The following NRG1 variants were observed in gnomAD, a reference collection of about 807,000 sequenced individuals.
NRG1 encodes the protein pro-neuregulin-1, membrane-bound isoform.
A neutral mutation model predicts 63.8 loss-of-function variants in NRG1; 18 were observed. That is an observed-to-expected ratio of 0.28 (90% CI 0.19 to 0.42). NRG1 has a LOEUF of 0.42. NRG1 is among the 10% of genes least tolerant of loss of function. The pLI is 1.00. For missense variants in NRG1, 762 were observed against 814.7 expected (o/e 0.94, Z 0.79); for synonymous variants, 302 against 301.3 (o/e 1.00, Z -0.02).
At chr8:31,832,149 A>C (rs1172901158) in intron 1 of NRG1, among the ~76,000 whole-genome samples, 1 of 152,196 alleles carries the variant, frequency 6.6e-6, no homozygotes, top group Non-Finnish European at 1.5e-5. Context: ...ATGAATATCC[A>C]ACTGTACTTA....
chr8:31,898,291 CTT>C (rs1050189269), intron 1 of NRG1, among the ~76,000 whole-genome samples: 5 of 152,132 alleles, frequency 3.3e-5, no homozygotes, highest in African/African-American at 1.2e-4. Context: ...GAGTTTGACT[CTT>C]TGACAACTAA....
chr8:32,539,852 G>C (rs1832400224), intron 1 of NRG1, among the ~76,000 whole-genome samples: 1 of 152,080 alleles, frequency 6.6e-6, no homozygotes, highest in Non-Finnish European at 1.5e-5. Flanking sequence ...TTTACTATGA[G>C]TCCCAGGCAA....
intron 5 of NRG1, among the ~76,000 whole-genome samples, chr8:32,646,135 T>C (rs1853475933): frequency 6.6e-6 from 1 of 152,186 alleles, no homozygotes; most frequent in South Asian, 2.1e-4. Flanking sequence ...TGGTGCTTCC[T>C]ATTAGCTTGA....
Position 32,453,376 on chromosome 8 carries a change from T to C in NRG1, c.38-142452T>C, listed in dbSNP as rs369135877. 3.6e-4 allele frequency among the ~76,000 whole-genome samples: 55 copies of C among 152,326 alleles called. 3 individuals carry two copies. In the South Asian group the frequency reaches 0.011, roughly 32 times the overall value. On this transcript the variant is annotated intron_variant, in intron 1 of 10. Coordinates refer to the NRG1 transcript ENST00000519301. ...AATGATGTGTCAGTTCAGAAAATCA[T>C]GTTCATTATTTCTGATTCTCATCAT...
intron 1 of NRG1, among the ~76,000 whole-genome samples, chr8:31,823,750 C>T (rs1824233763): frequency 6.6e-6 from 1 of 152,200 alleles, no homozygotes; most frequent in Non-Finnish European, 1.5e-5. Context: ...AGAAAAGTAA[C>T]TTTGATTATT....
chr8:32,771,306 G>A (rs1225054996), downstream of NRG1, among the ~76,000 whole-genome samples: 1 of 50,368 alleles, frequency 2.0e-5, no homozygotes, highest in Non-Finnish European at 4.0e-5. Flanking sequence ...TTTTTTTTTT[G>A]GTAGGGACAA....
At chr8:32,637,494 C>G (rs954487368) in intron 5 of NRG1, among the ~76,000 whole-genome samples, 1 of 152,118 alleles carries the variant, frequency 6.6e-6, no homozygotes, top group African/African-American at 2.4e-5. Flanking sequence ...CTTCCCCTGT[C>G]CCAGGCTTTT....
At chr8:32,370,684 C>T (rs749082674) in intron 1 of NRG1, among the ~76,000 whole-genome samples, 12 of 151,384 alleles carry the variant, frequency 7.9e-5, no homozygotes, top group Non-Finnish European at 1.8e-4. Flanking sequence ...ATGGTGAAAC[C>T]CTGTCGCTAC....
chr8:32,344,386 T>TTCTTTCTTTCTTTTTCTTTCTTTCTTTC (rs59670474), intron 1 of NRG1, among the ~76,000 whole-genome samples: 6 of 101,558 alleles, frequency 5.9e-5, no homozygotes, highest in East Asian at 3.1e-4. Flanking sequence ...TTCTTTCTCT[T>TTCTTTCTTTCTTTTTCTTTCTTTCTTTC]TCTTTCTTTT....
intron 1 of NRG1, among the ~76,000 whole-genome samples, chr8:31,660,033 A>G (rs1276837205): frequency 6.6e-6 from 1 of 152,202 alleles, no homozygotes; most frequent in Non-Finnish European, 1.5e-5. Flanking sequence ...CAAGACACAC[A>G]GCTGAGTGGT....
chr8:32,694,367 A>G, intron 5 of NRG1, among the ~76,000 whole-genome samples: 1 of 152,100 alleles, frequency 6.6e-6, no homozygotes, highest in East Asian at 1.9e-4. Flanking sequence ...CCTTTCCAGA[A>G]TGTTCTGTAT....
intron 1 of NRG1, among the ~76,000 whole-genome samples, chr8:32,374,098 T>C (rs1337471540): frequency 1.3e-5 from 2 of 152,184 alleles, no homozygotes; most frequent in African/African-American, 2.4e-5. Context: ...CTTCACAATG[T>C]AGAGATCAAC....
At chr8:31,646,618 C>T (rs1485115368) in intron 1 of NRG1, among the ~76,000 whole-genome samples, 3 of 152,204 alleles carry the variant, frequency 2.0e-5, no homozygotes, top group Non-Finnish European at 2.9e-5. Flanking sequence ...ATAGTTATAA[C>T]TACCACTTAT....
intron 1 of NRG1, among the ~76,000 whole-genome samples, chr8:31,754,441 G>A (rs181647461): frequency 1.6e-3 from 241 of 152,084 alleles, no homozygotes; most frequent in African/African-American, 5.6e-3. Flanking sequence ...CACCCTCTTT[G>A]CCTTCCACCA....
intron 1 of NRG1, among the ~76,000 whole-genome samples, chr8:32,254,687 A>G (rs1849485912): frequency 6.6e-6 from 1 of 152,186 alleles, no homozygotes; most frequent in South Asian, 2.1e-4. Flanking sequence ...GATGTCCATT[A>G]AGTCTGCTTA....
At chr8:32,197,845 A>C (rs1563898961) in intron 1 of NRG1, among the ~76,000 whole-genome samples, 1 of 152,198 alleles carries the variant, frequency 6.6e-6, no homozygotes, top group African/African-American at 2.4e-5. Context: ...TGATATTTTA[A>C]GCAGAAGGTT....
intron 1 of NRG1, among the ~76,000 whole-genome samples, chr8:32,154,083 A>AT (rs1837797277): frequency 6.6e-6 from 1 of 152,012 alleles, no homozygotes; most frequent in African/African-American, 2.4e-5. Flanking sequence ...TCTCCACTTC[A>AT]TTTTTCTGAT....
At chr8:31,809,741 G>GTTTTTTTTTT (rs753730069) in intron 1 of NRG1, among the ~76,000 whole-genome samples, 2 of 68,016 alleles carry the variant, frequency 2.9e-5, no homozygotes, top group African/African-American at 6.6e-5. Context: ...TCTATTAATT[G>GTTTTTTTTTT]TTTTTTTTTT....
At chr8:32,710,288 G>C (rs998478103) in intron 5 of NRG1, among the ~76,000 whole-genome samples, 8 of 152,088 alleles carry the variant, frequency 5.3e-5, no homozygotes, top group Non-Finnish European at 1.0e-4. Context: ...TAATTTATCT[G>C]CATCTCTTAT....
Sources: allele counts gnomAD v4.1 joint callset (sites outside exome capture counted in the v4.1 genomes callset), GRCh38; gene constraint gnomAD v4.1.1; transcripts MANE v1.5; gene names NCBI Gene and HGNC (gene_info 2026-07-23, HGNC 2026-07-21).